The following ITSN1 variants were observed in gnomAD, a reference collection of about 807,000 sequenced individuals.
ITSN1 encodes the protein intersectin 1.
In ITSN1, 58 loss-of-function variants were observed where a neutral mutation model predicts 239.8. The ratio of observed to expected loss-of-function variants is 0.24; its 90% CI spans 0.20 to 0.30. The LOEUF (loss-of-function observed/expected upper bound fraction) is 0.30. ITSN1 is among the 10% of genes least tolerant of loss of function. The pLI, the probability that ITSN1 is intolerant of heterozygous loss-of-function variation, is 1.00. For missense variants in ITSN1, 1,558 were observed against 2,103.3 expected (o/e 0.74, Z 5.07); for synonymous variants, 780 against 770.8 (o/e 1.01, Z -0.20).
chr21:33,868,579 C>G (rs1317587614), intron 33 of ITSN1, among the ~76,000 whole-genome samples: 3 of 152,224 alleles, frequency 2.0e-5, no homozygotes, highest in Non-Finnish European at 4.4e-5. Context: ...CCCTCATTGC[C>G]CGGAGCCAGC....
intron 4 of ITSN1, among the ~76,000 whole-genome samples, chr21:33,732,642 CA>C (rs1175932553): frequency 6.6e-6 from 1 of 152,076 alleles, no homozygotes; most frequent in Non-Finnish European, 1.5e-5. Flanking sequence ...AGATAATGCT[CA>C]TTTTTTTCTA....
intron 1 of ITSN1, 92 bp from the exon 2 acceptor site, chr21:33,718,705 T>TC: frequency 1.2e-6 from 1 of 809,372 alleles, no homozygotes; most frequent in Non-Finnish European, 2.1e-6. Context: ...CTAGTATTAG[T>TC]CCTCTGACCA....
chr21:33,880,635 G>A (rs995867265), intron 34 of ITSN1, among the ~76,000 whole-genome samples: 11 of 152,146 alleles, frequency 7.2e-5, no homozygotes, highest in Non-Finnish European at 1.5e-4. Flanking sequence ...CTGTATTGGA[G>A]ATGGACAGGT....
chr21:33,821,490 T>C (rs2073672570), intron 24 of ITSN1, among the ~76,000 whole-genome samples: 1 of 152,210 alleles, frequency 6.6e-6, no homozygotes. Context: ...GGGTTGCTTT[T>C]AAAATATTTA....
intron 22 of ITSN1, chr21:33,817,087 T>A (rs897170846): frequency 8.7e-6 from 9 of 1,038,586 alleles, no homozygotes; most frequent in Non-Finnish European, 1.1e-5. Context: ...GAAGTAACTC[T>A]CTCTAGGCAT....
Position 33,865,204 on chromosome 21 carries a change from T to C in ITSN1, c.3944T>C (p.Ile1315Thr), listed in dbSNP as rs769223637. 10 of 1,613,856 alleles carry C rather than the reference T, an allele frequency of 6.2e-6. No homozygotes were observed. Among genetic ancestry groups the C allele is most frequent in the South Asian group, 1.1e-5 (1 of 91,038 alleles). ...MSGEKMPVKM[I>T]GDILSAQLPH... ...GGGGAGAAGATGCCTGTGAAGATGA[T>C]TGGAGACATCCTGAGCGCACAGCTG... is the stretch of plus-strand genomic sequence containing the variant. The change falls in exon 32 of 40, where the codon ATT becomes ACT. Residue 1315 changes from isoleucine (I) to threonine (T), a missense_variant. Coordinates refer to ENST00000381318, the MANE Select transcript of ITSN1 (RefSeq NM_003024.3). The surrounding 1 kb of genome is among the most constrained non-coding windows in gnomAD (Gnocchi z 4.4).
intron 11 of ITSN1, among the ~76,000 whole-genome samples, chr21:33,769,341 G>A (rs1037565328): frequency 6.6e-6 from 1 of 152,144 alleles, no homozygotes; most frequent in African/African-American, 2.4e-5. Context: ...CTACATACTA[G>A]GAATATTGCC....
chr21:33,755,493 T>C, intron 8 of ITSN1, 96 bp downstream of exon 8: 1 of 671,698 alleles, frequency 1.5e-6, no homozygotes, highest in Non-Finnish European at 2.5e-6. Context: ...GTCTGTGTGC[T>C]TATTTCTTGG....
intron 35 of ITSN1, among the ~76,000 whole-genome samples, chr21:33,883,236 G>A (rs577025398): frequency 1.4e-4 from 21 of 152,264 alleles, no homozygotes; most frequent in South Asian, 8.3e-4. Context: ...GCAAAATCGT[G>A]GGCGGGGGAA....
chr21:33,761,534 C>T (rs2068327594), intron 8 of ITSN1, among the ~76,000 whole-genome samples: 1 of 152,010 alleles, frequency 6.6e-6, no homozygotes, highest in African/African-American at 2.4e-5. Context: ...AGGGTGGAGA[C>T]AGCAGGTGGT....
intron 4 of ITSN1, among the ~76,000 whole-genome samples, chr21:33,723,262 G>T (rs575564600): frequency 2.6e-5 from 4 of 152,204 alleles, no homozygotes; most frequent in African/African-American, 7.2e-5. Context: ...TTCACCAAGG[G>T]TGCTTAATAC....
chr21:33,873,055 T>C (rs1010873169), intron 33 of ITSN1, among the ~76,000 whole-genome samples: 13 of 152,222 alleles, frequency 8.5e-5, no homozygotes, highest in African/African-American at 3.1e-4. Context: ...CCCCTAAGCC[T>C]GAGTTTCACC....
chr21:33,679,631 T>G (rs939667787), intron 1 of ITSN1, among the ~76,000 whole-genome samples: 2 of 152,052 alleles, frequency 1.3e-5, no homozygotes, highest in Non-Finnish European at 2.9e-5. Context: ...GTATTGACAG[T>G]TTTTGCCTTG....
At chr21:33,832,879 C>A (rs1044713893) in intron 27 of ITSN1, among the ~76,000 whole-genome samples, 3 of 152,042 alleles carry the variant, frequency 2.0e-5, no homozygotes, top group African/African-American at 7.2e-5. Flanking sequence ...AGTTTTATTT[C>A]CTTATTTTGG....
At chr21:33,701,478 A>G (rs1256496183) in intron 1 of ITSN1, among the ~76,000 whole-genome samples, 1 of 152,032 alleles carries the variant, frequency 6.6e-6, no homozygotes, top group African/African-American at 2.4e-5. Flanking sequence ...TATTTTTAAC[A>G]TGCCTTTTCT....
At chr21:33,644,481 C>A (rs766763163) in intron 1 of ITSN1, among the ~76,000 whole-genome samples, 2 of 151,906 alleles carry the variant, frequency 1.3e-5, no homozygotes, top group Non-Finnish European at 2.9e-5. Context: ...ATTGCTACGG[C>A]GCATGGTACC....
At chr21:33,778,001 C>A (rs1309566680) in intron 14 of ITSN1, among the ~76,000 whole-genome samples, 1 of 152,138 alleles carries the variant, frequency 6.6e-6, no homozygotes, top group African/African-American at 2.4e-5. Flanking sequence ...TGAAATAGAT[C>A]ATATGTTTTT....
chr21:33,837,466 C>T, intron 29 of ITSN1: 1 of 986,162 alleles, frequency 1.0e-6, no homozygotes, highest in Non-Finnish European at 1.2e-6. Context: ...AAATCTGAGA[C>T]TTGATGTATT....
rs554718983 is a variant in ITSN1, at chr21:33,691,469, A to G, written c.-32-27328A>G. On this transcript the variant is annotated intron_variant, in intron 1 of 39. Coordinates refer to ENST00000381318, the MANE Select transcript of ITSN1 (RefSeq NM_003024.3). ...GAAGACTTTATTCAAGACTATTGCA[A>G]TGGCGGGGAGAGATCCAGCTCAATT... 7.9e-5 allele frequency among the ~76,000 whole-genome samples: 12 copies of G among 152,328 alleles called. No homozygotes were observed. The East Asian group carries it at 1.7e-3, about 22-fold the overall frequency.
Sources: allele counts gnomAD v4.1 joint callset (sites outside exome capture counted in the v4.1 genomes callset), GRCh38; gene constraint gnomAD v4.1.1; non-coding constraint Gnocchi (gnomAD v3.1); transcripts MANE v1.5; gene names NCBI Gene and HGNC (gene_info 2026-07-23, HGNC 2026-07-21).